CNTN1: variants seen among roughly 807,000 people sequenced by gnomAD.
The protein encoded by CNTN1 is contactin-1.
In CNTN1, 38 loss-of-function variants were observed where a neutral mutation model predicts 126.4. The observed-to-expected ratio is 0.30, with a 90% confidence interval of 0.23 to 0.39. The LOEUF (loss-of-function observed/expected upper bound fraction) is 0.39, where lower values mean the gene tolerates loss of function less well. CNTN1 is among the 10% of genes least tolerant of loss of function. The pLI is 1.00. For synonymous variants in CNTN1, 413 were observed against 422.6 expected, an observed-to-expected ratio of 0.98 and a Z score of 0.28; for missense variants, 1,009 against 1,248.4, an observed-to-expected ratio of 0.81 and a Z score of 2.89.
intron 1 of CNTN1, among the ~76,000 whole-genome samples, chr12:40,744,199 A>T (rs1938072812): frequency 6.6e-6 from 1 of 152,054 alleles, no homozygotes; most frequent in South Asian, 2.1e-4. Context: ...CTTAATACCT[A>T]GGCGATGGGT....
chr12:40,870,417 A>G lies in CNTN1; in HGVS notation c.-76-37940A>G, dbSNP rs1012906516. Reference sequence around the variant, plus strand: ...TCTCAAGGCAAAAATAAGATAATTTATATGTATAGTTTAATTTGCAGTCTA... The same window carrying G: ...TCTCAAGGCAAAAATAAGATAATTTGTATGTATAGTTTAATTTGCAGTCTA... On this transcript the variant is annotated intron_variant, in intron 1 of 23. Transcript: ENST00000551295. Among the ~76,000 whole-genome samples the G allele has an allele frequency of 2.6e-5, 4 of 152,304 alleles. No individual in the cohort carries two copies. In the South Asian group the frequency reaches 6.2e-4, roughly 24 times the overall value.
intron 23 of CNTN1, among the ~76,000 whole-genome samples, chr12:41,034,952 G>A (rs1457314437): frequency 1.3e-5 from 2 of 152,182 alleles, no homozygotes; most frequent in African/African-American, 4.8e-5. Context: ...TCCAGCAGTT[G>A]TTGGACAACT....
At chr12:40,790,209 G>C (rs772162481) in intron 1 of CNTN1, among the ~76,000 whole-genome samples, 4 of 152,034 alleles carry the variant, frequency 2.6e-5, no homozygotes, top group Non-Finnish European at 5.9e-5. Flanking sequence ...GACCCAATTG[G>C]CCTTTGAGAT....
At chr12:41,027,812 G>A (rs1276287543) in intron 21 of CNTN1, 45 bp from the exon 22 acceptor site, 1 of 1,139,320 alleles carries the variant, frequency 8.8e-7, no homozygotes, top group South Asian at 1.2e-5. Flanking sequence ...GCAGAATTGA[G>A]ATTGGATATA....
chr12:40,769,529 A>G (rs1939252871), intron 1 of CNTN1, among the ~76,000 whole-genome samples: 1 of 152,216 alleles, frequency 6.6e-6, no homozygotes, highest in Non-Finnish European at 1.5e-5. Flanking sequence ...ACATTTATGA[A>G]CTGAACTCTA....
intron 1 of CNTN1, among the ~76,000 whole-genome samples, chr12:40,793,668 C>T (rs1940304126): frequency 6.6e-6 from 1 of 151,994 alleles, no homozygotes; most frequent in Non-Finnish European, 1.5e-5. Flanking sequence ...TTTTATGTGG[C>T]TTCCTCTTCC....
intron 1 of CNTN1, among the ~76,000 whole-genome samples, chr12:40,784,816 G>C (rs1395813959): frequency 6.6e-6 from 1 of 152,128 alleles, no homozygotes; most frequent in Non-Finnish European, 1.5e-5. Flanking sequence ...GATTGGATTG[G>C]CACAAATCTG....
intron 1 of CNTN1, among the ~76,000 whole-genome samples, chr12:40,819,462 C>T (rs1941371933): frequency 6.6e-6 from 1 of 152,150 alleles, no homozygotes; most frequent in South Asian, 2.1e-4. Flanking sequence ...GCACTCTGGC[C>T]GTATTCCACA....
In CNTN1 at chr12:40,812,514, A is replaced by G. The variant is rs367957273; in HGVS notation, c.-76-95843A>G. ...TTGAAAATGGGGTATTGAAGCCCCT[A>G]ATACTATTGTATTTGTGTTGATTTC... On this transcript the variant is annotated intron_variant, in intron 1 of 23. Transcript: ENST00000551295. 1.2e-4 allele frequency among the ~76,000 whole-genome samples: 19 copies of G among 152,210 alleles called. No individual in the cohort carries two copies. In the East Asian group the frequency reaches 2.3e-3, roughly 19 times the overall value.
At chr12:40,947,764 C>CATATATATAT (rs34815270) in intron 14 of CNTN1, among the ~76,000 whole-genome samples, 83 of 68,292 alleles carry the variant, frequency 1.2e-3, no homozygotes, top group African/African-American at 4.8e-3. Context: ...GTCACTATTT[C>CATATATATAT]ATATATATAT....
intron 1 of CNTN1, among the ~76,000 whole-genome samples, chr12:40,734,040 A>C (rs983206583): frequency 6.6e-6 from 1 of 152,150 alleles, no homozygotes; most frequent in Admixed American, 6.6e-5. Flanking sequence ...ACTGATTAAC[A>C]TCTTAAGAGC....
chr12:40,752,735 C>A (rs1938451953), intron 1 of CNTN1, among the ~76,000 whole-genome samples: 1 of 152,026 alleles, frequency 6.6e-6, no homozygotes, highest in African/African-American at 2.4e-5. Context: ...AAGACAAAAA[C>A]ATTTTAAACA....
chr12:40,870,409 G>T (rs1943445473), intron 1 of CNTN1, among the ~76,000 whole-genome samples: 1 of 152,062 alleles, frequency 6.6e-6, no homozygotes, highest in Non-Finnish European at 1.5e-5. Context: ...GCAAAAATAA[G>T]ATAATTTATA....
At chr12:40,922,194 AGCTCCGTAG>A in intron 4 of CNTN1, 53 bp from the exon 5 acceptor site, 2 of 1,406,590 alleles carry the variant, frequency 1.4e-6, no homozygotes, top group Non-Finnish European at 2.0e-6. Context: ...GAACTGTGTT[AGCTCCGTAG>A]AGTTTCTAGG....
intron 1 of CNTN1, among the ~76,000 whole-genome samples, chr12:40,881,578 T>G (rs1943871377): frequency 6.6e-6 from 1 of 151,898 alleles, no homozygotes; most frequent in African/African-American, 2.4e-5. Flanking sequence ...ACTACTCCAG[T>G]AGGCCCCTAT....
intron 14 of CNTN1, 76 bp from the exon 15 acceptor site, chr12:40,959,038 C>T (rs1947005597): frequency 6.3e-7 from 1 of 1,587,116 alleles, no homozygotes; most frequent in Non-Finnish European, 8.6e-7. Flanking sequence ...GGGGAAAAAA[C>T]TACCTCTTGG....
intron 1 of CNTN1, among the ~76,000 whole-genome samples, chr12:40,764,884 T>G (rs1939015285): frequency 6.6e-6 from 1 of 152,282 alleles, no homozygotes; most frequent in East Asian, 1.9e-4. Context: ...TTTACCAACA[T>G]TTGGGGATTT....
intron 1 of CNTN1, among the ~76,000 whole-genome samples, chr12:40,785,789 T>C (rs1487276719): frequency 6.6e-6 from 1 of 152,150 alleles, no homozygotes; most frequent in Non-Finnish European, 1.5e-5. Context: ...ATGGCTTAGC[T>C]TGGGCTCAGA....
intron 1 of CNTN1, among the ~76,000 whole-genome samples, chr12:40,861,871 G>A (rs1302416931): frequency 1.3e-5 from 2 of 151,830 alleles, no homozygotes; most frequent in African/African-American, 4.8e-5. Context: ...TGTCATACAT[G>A]GCATTTTTAC....
Sources: gnomAD v4.1 joint callset for allele counts (sites outside exome capture counted in the v4.1 genomes callset) on GRCh38, gnomAD v4.1.1 for gene constraint, MANE v1.5 for transcripts, NCBI Gene and HGNC (gene_info 2026-07-23, HGNC 2026-07-21) for gene names.